GPHN: variants seen among roughly 807,000 people sequenced by gnomAD.
GPHN encodes gephyrin.
In GPHN, 17 loss-of-function variants were observed where a neutral mutation model predicts 95.5. The ratio of observed to expected loss-of-function variants is 0.18; its 90% CI spans 0.12 to 0.27. The LOEUF is 0.27. Ranked by LOEUF, GPHN falls within the 10% of genes least tolerant of loss-of-function variation. The pLI, the probability that GPHN is intolerant of heterozygous loss-of-function variation, is 1.00. For missense variants in GPHN, 660 were observed against 978.1 expected, an observed-to-expected ratio of 0.67 and a Z score of 4.34; for synonymous variants, 320 against 322.5, an observed-to-expected ratio of 0.99 and a Z score of 0.08.
intron 2 of GPHN, among the ~76,000 whole-genome samples, chr14:66,698,010 ATT>A (rs1250944180): frequency 6.6e-6 from 1 of 152,044 alleles, no homozygotes; most frequent in Non-Finnish European, 1.5e-5. Context: ...TATAAATAAT[ATT>A]TTCATCTTAT....
chr14:66,905,991 G>A (rs141878567), intron 5 of GPHN, among the ~76,000 whole-genome samples: 7 of 142,310 alleles, frequency 4.9e-5, no homozygotes, highest in Admixed American at 1.4e-4. Flanking sequence ...TTGATTCGAG[G>A]CTTTTTTTTT....
At chr14:67,699,115 T>C in the GPHN span, among the ~76,000 whole-genome samples, 3 of 152,008 alleles carry the variant, frequency 2.0e-5, no homozygotes, top group Admixed American at 6.6e-5. Context: ...TAGCTGGGCA[T>C]GGTGGCAGGC....
At chr14:67,565,885 T>A in the GPHN span, among the ~76,000 whole-genome samples, 1 of 151,934 alleles carries the variant, frequency 6.6e-6, no homozygotes, top group Non-Finnish European at 1.5e-5. Context: ...TTTGGGAGGC[T>A]GAGGCAGGCA....
intron 2 of GPHN, among the ~76,000 whole-genome samples, chr14:66,695,831 C>T (rs1428112318): frequency 6.6e-6 from 1 of 152,178 alleles, no homozygotes; most frequent in African/African-American, 2.4e-5. Context: ...GTAAAAGAAT[C>T]AGTGCTTGCC....
chr14:66,894,187 C>G (rs1430958020), intron 5 of GPHN, among the ~76,000 whole-genome samples: 4 of 152,126 alleles, frequency 2.6e-5, no homozygotes, highest in South Asian at 4.2e-4. Context: ...GAACAGAACA[C>G]AGCCCTCAGA....
chr14:67,634,616 T>A, the GPHN span, among the ~76,000 whole-genome samples: 1 of 150,020 alleles, frequency 6.7e-6, no homozygotes, highest in African/African-American at 2.4e-5. Context: ...AAAAAGCTAG[T>A]AGGTAGTAAT....
chr14:66,844,458 G>A (rs1179150249), intron 4 of GPHN, among the ~76,000 whole-genome samples: 1 of 152,100 alleles, frequency 6.6e-6, no homozygotes, highest in Non-Finnish European at 1.5e-5. Context: ...GTGTGTATGT[G>A]TGCATGCATA....
intron 17 of GPHN, among the ~76,000 whole-genome samples, chr14:67,126,495 G>A (rs1450155614): frequency 2.0e-5 from 3 of 152,186 alleles, no homozygotes; most frequent in Admixed American, 1.3e-4. Context: ...GAAACTGAAT[G>A]CACAAAGTAG....
the GPHN span, among the ~76,000 whole-genome samples, chr14:67,373,516 TAGAAAAACACCACAGACATGCTGTCCTCC>T: frequency 6.6e-6 from 1 of 152,292 alleles, no homozygotes; most frequent in Non-Finnish European, 1.5e-5. Flanking sequence ...AAAGAGTGTC[TAGAAAAACACCACAGACATGCTGTCCTCC>T]AGTATTGAGA....
At chr14:66,838,436 A>G (rs1294092196) in intron 4 of GPHN, among the ~76,000 whole-genome samples, 5 of 152,284 alleles carry the variant, frequency 3.3e-5, no homozygotes, top group East Asian at 3.9e-4. Flanking sequence ...CAGAAAAGGA[A>G]AAAGAAATAT....
intron 1 of GPHN, among the ~76,000 whole-genome samples, chr14:66,546,096 C>T (rs377306318): frequency 3.5e-5 from 5 of 144,314 alleles, no homozygotes; most frequent in South Asian, 2.2e-4. Context: ...CCAGACGGGG[C>T]GGCGGGGCAG....
chr14:67,372,838 C>A, the GPHN span, among the ~76,000 whole-genome samples: 41 of 146,708 alleles, frequency 2.8e-4, 1 homozygote, highest in East Asian at 6.6e-3. Flanking sequence ...AAAAAAAAAA[C>A]AAAAAACAAA....
At chr14:67,375,050 T>A in the GPHN span, among the ~76,000 whole-genome samples, 73 of 152,330 alleles carry the variant, frequency 4.8e-4, 1 homozygote, top group Non-Finnish European at 2.9e-5. Context: ...TTTTGGTTTT[T>A]TTCCCCCTCC....
the GPHN span, among the ~76,000 whole-genome samples, chr14:67,507,581 T>C: frequency 6.6e-6 from 1 of 152,158 alleles, no homozygotes; most frequent in South Asian, 2.1e-4. Flanking sequence ...CCCAAGGAAC[T>C]GGGAGTACAG....
the GPHN span, among the ~76,000 whole-genome samples, chr14:67,514,208 T>C: frequency 6.6e-6 from 1 of 151,772 alleles, no homozygotes; most frequent in Non-Finnish European, 1.5e-5. Context: ...ATCTCCAAGC[T>C]CTGTACCTAA....
chr14:67,448,745 C>T, the GPHN span, among the ~76,000 whole-genome samples: 1 of 152,118 alleles, frequency 6.6e-6, no homozygotes, highest in Non-Finnish European at 1.5e-5. Context: ...TAAATGGAAT[C>T]CTGAGTCAGG....
intron 5 of GPHN, among the ~76,000 whole-genome samples, chr14:66,890,047 C>T (rs762644694): frequency 1.2e-4 from 19 of 152,128 alleles, no homozygotes; most frequent in Non-Finnish European, 2.2e-4. Context: ...ACAAAACCTA[C>T]TGAGACTGAA....
the GPHN span, among the ~76,000 whole-genome samples, chr14:67,519,842 C>A: frequency 6.6e-6 from 1 of 152,066 alleles, no homozygotes; most frequent in Non-Finnish European, 1.5e-5. Flanking sequence ...CCTGCTTCAG[C>A]CTCCCATGTA....
chr14:67,044,536 T>C (rs988485140), intron 10 of GPHN, among the ~76,000 whole-genome samples: 1 of 152,152 alleles, frequency 6.6e-6, no homozygotes, highest in Non-Finnish European at 1.5e-5. Context: ...TCTTCTGTTG[T>C]TGACTAGCAC....
Sources: allele counts gnomAD v4.1 joint callset (sites outside exome capture counted in the v4.1 genomes callset), GRCh38; gene constraint gnomAD v4.1.1; transcripts MANE v1.5; gene names NCBI Gene and HGNC (gene_info 2026-07-23, HGNC 2026-07-21).